PAPPA2: variants seen among roughly 807,000 people sequenced by gnomAD.
PAPPA2 encodes the protein pappalysin-2.
Under a neutral mutation model 176.4 loss-of-function variants are expected in PAPPA2, and 86 were observed. That is an observed-to-expected ratio of 0.49 (90% CI 0.41 to 0.58). The LOEUF (loss-of-function observed/expected upper bound fraction) is 0.58, where lower values mean the gene tolerates loss of function less well. PAPPA2 is among the 20% of genes least tolerant of loss of function. PAPPA2 has a pLI of 0.00. For synonymous variants in PAPPA2, 809 were observed against 852.2 expected (o/e 0.95, Z 0.88); for missense variants, 2,073 against 2,256.9 (o/e 0.92, Z 1.65).
chr1:176,782,860 A>C (rs943864280), intron 17 of PAPPA2, among the ~76,000 whole-genome samples: 1 of 152,180 alleles, frequency 6.6e-6, no homozygotes, highest in Admixed American at 6.5e-5. Context: ...TGGGGTGTCC[A>C]GTTAAGAGGT....
At chr1:176,614,083 G>C (rs925781439) in intron 3 of PAPPA2, among the ~76,000 whole-genome samples, 2 of 152,228 alleles carry the variant, frequency 1.3e-5, no homozygotes, top group Admixed American at 1.3e-4. Flanking sequence ...CCTTTTTCTA[G>C]AGCAGGCAGT....
At position 176,555,726 on chromosome 1, in the gene PAPPA2, CTG is replaced by C. The variant is rs1156591237; in HGVS notation, c.-593_-592del. 6.6e-6 allele frequency: 1 copy of C among 152,180 alleles called. No individual in the cohort carries two copies. The highest frequency in any genetic ancestry group is 1.5e-5 in the Non-Finnish European group (1 of 68,072). The allele number at this position is 152,180 out of a possible 1,614,324, so 9.4% of individuals were successfully genotyped here. On this transcript the variant is annotated 5_prime_UTR_variant, in exon 2 of 23. Transcript: ENST00000367662. ...ATAAGAAGCATCAAATTGCGTGTCT[CTG>C]TGTAAAAGTTCTAGCAATTTGTTTT...
At chr1:176,523,486 G>A (rs1210198169) in intron 1 of PAPPA2, among the ~76,000 whole-genome samples, 3 of 152,130 alleles carry the variant, frequency 2.0e-5, no homozygotes, top group African/African-American at 4.8e-5. Context: ...AACATTATTT[G>A]TCTTCTTTGG....
intron 20 of PAPPA2, 40 bp downstream of exon 20, chr1:176,793,709 C>T (rs757890296): frequency 2.1e-6 from 3 of 1,461,674 alleles, no homozygotes; most frequent in Non-Finnish European, 2.8e-6. Context: ...AGACATGAGT[C>T]TGCTGAGCAA....
intron 14 of PAPPA2, among the ~76,000 whole-genome samples, chr1:176,743,964 T>C (rs1662795325): frequency 6.6e-6 from 1 of 152,198 alleles, no homozygotes; most frequent in African/African-American, 2.4e-5. Flanking sequence ...TAATTGAAAC[T>C]TTTGACTACT....
intron 8 of PAPPA2, among the ~76,000 whole-genome samples, chr1:176,700,555 G>A (rs890475542): frequency 6.6e-6 from 1 of 152,352 alleles, no homozygotes; most frequent in Admixed American, 6.5e-5. Flanking sequence ...CTGGGGAGAT[G>A]AGGGCCTCTT....
intron 1 of PAPPA2, among the ~76,000 whole-genome samples, chr1:176,535,872 G>C (rs980580608): frequency 2.0e-5 from 3 of 152,200 alleles, no homozygotes; most frequent in African/African-American, 7.2e-5. Flanking sequence ...AGTAAGTGCT[G>C]CCTGTCACTA....
intron 3 of PAPPA2, among the ~76,000 whole-genome samples, chr1:176,607,905 T>C (rs1654704570): frequency 6.6e-6 from 1 of 152,236 alleles, no homozygotes; most frequent in African/African-American, 2.4e-5. Flanking sequence ...TGTTAATTCG[T>C]AATTTGGATA....
intron 1 of PAPPA2, among the ~76,000 whole-genome samples, chr1:176,510,981 C>T (rs879509913): frequency 2.6e-5 from 4 of 151,700 alleles, no homozygotes; most frequent in Non-Finnish European, 5.9e-5. Flanking sequence ...AAATTGAAAA[C>T]AACTATTAAG....
At chr1:176,615,917 C>A (rs1655196471) in intron 3 of PAPPA2, among the ~76,000 whole-genome samples, 1 of 152,094 alleles carries the variant, frequency 6.6e-6, no homozygotes, top group Non-Finnish European at 1.5e-5. Context: ...TGTTTTGGCA[C>A]CTAATCTTCC....
intron 2 of PAPPA2, among the ~76,000 whole-genome samples, chr1:176,591,900 C>G (rs1341338278): frequency 6.6e-6 from 1 of 152,156 alleles, no homozygotes; most frequent in Non-Finnish European, 1.5e-5. Flanking sequence ...TGATATCAAT[C>G]TTGCTAACTT....
At chr1:176,767,638 C>G (rs531510193) in intron 15 of PAPPA2, among the ~76,000 whole-genome samples, 26 of 152,234 alleles carry the variant, frequency 1.7e-4, no homozygotes, top group Non-Finnish European at 2.2e-4. Flanking sequence ...GAGCCACTGC[C>G]CCCAGCCTTG....
chr1:176,526,785 C>T (rs1257485032), intron 1 of PAPPA2, among the ~76,000 whole-genome samples: 2 of 152,150 alleles, frequency 1.3e-5, no homozygotes, highest in Non-Finnish European at 2.9e-5. Context: ...TGACATGGCA[C>T]AGGGCTTGAG....
At chr1:176,812,126 ACT>A (rs1476356398) in intron 21 of PAPPA2, among the ~76,000 whole-genome samples, 2 of 144,662 alleles carry the variant, frequency 1.4e-5, no homozygotes, top group Non-Finnish European at 3.0e-5. Context: ...CCACTTTCTC[ACT>A]CTGTTAATTT....
At chr1:176,598,892 G>T (rs1001409772) in intron 3 of PAPPA2, among the ~76,000 whole-genome samples, 1 of 152,026 alleles carries the variant, frequency 6.6e-6, no homozygotes, top group Non-Finnish European at 1.5e-5. Context: ...TGAATTACAT[G>T]AATATCTCTT....
chr1:176,696,502 T>C (rs1660392340), intron 7 of PAPPA2, among the ~76,000 whole-genome samples: 1 of 152,136 alleles, frequency 6.6e-6, no homozygotes. Context: ...TTTGTTATCT[T>C]TTTTTCTGTA....
chr1:176,709,770 C>G (rs1431138707), intron 10 of PAPPA2, among the ~76,000 whole-genome samples: 2 of 152,074 alleles, frequency 1.3e-5, no homozygotes, highest in African/African-American at 4.8e-5. Context: ...TAGATGGTTT[C>G]TACCTTTCTC....
chr1:176,477,513 G>A (rs576239005), intron 1 of PAPPA2, among the ~76,000 whole-genome samples: 7 of 152,232 alleles, frequency 4.6e-5, no homozygotes, highest in East Asian at 3.9e-4. Flanking sequence ...TTGGGAGGCC[G>A]AGGTGGGCAG....
At chr1:176,785,971 AG>A (rs1664917417) in intron 17 of PAPPA2, among the ~76,000 whole-genome samples, 1 of 152,098 alleles carries the variant, frequency 6.6e-6, no homozygotes, top group South Asian at 2.1e-4. Context: ...TGACATGCAA[AG>A]TTTTTACAGC....
Sources: gnomAD v4.1 joint callset for allele counts (sites outside exome capture counted in the v4.1 genomes callset) on GRCh38, gnomAD v4.1.1 for gene constraint, MANE v1.5 for transcripts, NCBI Gene and HGNC (gene_info 2026-07-23, HGNC 2026-07-21) for gene names.